ABCE1: variants seen among roughly 807,000 people sequenced by gnomAD.
The protein encoded by ABCE1 is ATP binding cassette subfamily E member 1.
Under a neutral mutation model 83.4 loss-of-function variants are expected in ABCE1, and 22 were observed. The ratio of observed to expected loss-of-function variants is 0.26; its 90% confidence interval spans 0.19 to 0.38. The LOEUF (loss-of-function observed/expected upper bound fraction) is 0.38. Among genes scored for constraint, ABCE1 ranks in the 10% least tolerant of loss-of-function variants. The pLI, the probability that ABCE1 is intolerant of heterozygous loss-of-function variation, is 1.00. For missense variants in ABCE1, 330 were observed against 721.9 expected, an observed-to-expected ratio of 0.46 and a Z score of 6.22; for synonymous variants, 204 against 233.7, an observed-to-expected ratio of 0.87 and a Z score of 1.16.
intron 9 of ABCE1, among the ~76,000 whole-genome samples, chr4:145,114,169 C>T (rs1470512212): frequency 6.6e-6 from 1 of 152,074 alleles, no homozygotes; most frequent in East Asian, 1.9e-4. Flanking sequence ...TTACTCCATA[C>T]ACAGGCATTA....
intron 2 of ABCE1, among the ~76,000 whole-genome samples, chr4:145,104,939 G>C (rs915879364): frequency 6.6e-6 from 1 of 151,870 alleles, no homozygotes; most frequent in Non-Finnish European, 1.5e-5. Context: ...CTATTCATAA[G>C]GTTTAACTAT....
chr4:145,127,576 T>C lies in ABCE1; in HGVS notation c.*3T>C, dbSNP rs772996401. ...ACTACTTTTTCTTGGATGATTAGAC[T>C]GACTCTGAGAATATTGATAAGCCAT... On this transcript the variant is annotated 3_prime_UTR_variant, in exon 18 of 18. Coordinates refer to ENST00000296577, the MANE Select transcript of ABCE1 (RefSeq NM_002940.3). The C allele has an allele frequency of 6.4e-7, 1 of 1,559,610 alleles. No individual in the cohort carries two copies. Among genetic ancestry groups the C allele is most frequent in the African/African-American group, 1.4e-5 (1 of 71,016 alleles).
chr4:145,116,135 G>A (rs529279616), intron 9 of ABCE1, among the ~76,000 whole-genome samples: 2 of 152,002 alleles, frequency 1.3e-5, no homozygotes, highest in African/African-American at 4.8e-5. Flanking sequence ...TAGCTTCCTA[G>A]ACACCAGAGA....
intron 1 of ABCE1, among the ~76,000 whole-genome samples, chr4:145,102,582 T>C (rs1239257055): frequency 6.6e-6 from 1 of 152,136 alleles, no homozygotes; most frequent in Non-Finnish European, 1.5e-5. Flanking sequence ...TTGTGTTTTT[T>C]TTTCACCTAC....
At chr4:145,126,373 C>T (rs1227200492) in intron 17 of ABCE1, among the ~76,000 whole-genome samples, 3 of 152,128 alleles carry the variant, frequency 2.0e-5, no homozygotes, top group Non-Finnish European at 4.4e-5. Flanking sequence ...CGGCTCACTA[C>T]AACCTCTGCC....
chr4:145,125,118 T>C lies in ABCE1; in HGVS notation c.1752+17T>C, dbSNP rs1749845654. 1.3e-6 allele frequency: 2 copies of C among 1,522,070 alleles called. No homozygotes were observed. The highest frequency in any genetic ancestry group is 1.4e-5 in the African/African-American group (1 of 72,816). The allele number at this position is 1,522,070 out of a possible 1,614,324, so 94.3% of individuals were successfully genotyped here. A position where few individuals can be genotyped will look rare whatever the true frequency, so the allele number is the denominator to read the frequency against. ...TCAATTAAGGTATGTAGAAAAGTTG[T>C]CTTAAATCATGGATTACTGATCTCA... is the stretch of plus-strand genomic sequence containing the variant. On this transcript the variant is annotated intron_variant, in intron 17 of 17. Transcript: ENST00000296577.
chr4:145,127,663 C>A lies in ABCE1; in HGVS notation c.*90C>A. 1.0e-6 allele frequency: 1 copy of A among 954,948 alleles called. No individual in the cohort carries two copies. Among genetic ancestry groups the A allele is most frequent in the Non-Finnish European group, 1.5e-6 (1 of 653,768 alleles). The allele number at this position is 954,948 out of a possible 1,614,324, so 59.2% of individuals were successfully genotyped here. ...ATAAAACTTGAATCAGGATTTTATG[C>A]CCCACATACTCTGGAACTTGAAGTA... On this transcript the variant is annotated 3_prime_UTR_variant, in exon 18 of 18. Coordinates refer to ENST00000296577, the MANE Select transcript of ABCE1 (RefSeq NM_002940.3).
At chr4:145,105,407 A>G (rs1579209894) in intron 2 of ABCE1, among the ~76,000 whole-genome samples, 198 bp from the exon 3 acceptor site, 2 of 152,126 alleles carry the variant, frequency 1.3e-5, no homozygotes, top group African/African-American at 4.8e-5. Context: ...AAACAAGGAT[A>G]TTCATATAAG....
At chr4:145,122,369 T>C (rs900031813) in intron 13 of ABCE1, 2 of 152,252 alleles carry the variant, frequency 1.3e-5, no homozygotes, top group Admixed American at 6.5e-5. Flanking sequence ...TCATGCATTT[T>C]GTGTTCTCTT....
intron 1 of ABCE1, among the ~76,000 whole-genome samples, chr4:145,100,384 T>A (rs1048760112): frequency 1.6e-4 from 25 of 152,252 alleles, no homozygotes; most frequent in Non-Finnish European, 1.2e-4. Flanking sequence ...CTTTTGGTTT[T>A]TAAAATAGTT....
At chr4:145,115,301 G>A (rs368564807) in intron 9 of ABCE1, among the ~76,000 whole-genome samples, 8 of 151,948 alleles carry the variant, frequency 5.3e-5, no homozygotes, top group African/African-American at 1.4e-4. Flanking sequence ...AAGCTACTAC[G>A]TAATACAATG....
chr4:145,120,839 A>G (rs1334186461), intron 11 of ABCE1, among the ~76,000 whole-genome samples: 1 of 152,188 alleles, frequency 6.6e-6, no homozygotes, highest in Non-Finnish European at 1.5e-5. Flanking sequence ...TATCTTTCAT[A>G]AAACAGTCTA....
At chr4:145,113,620 T>A (rs1353645550) in intron 9 of ABCE1, among the ~76,000 whole-genome samples, 1 of 152,170 alleles carries the variant, frequency 6.6e-6, no homozygotes, top group Non-Finnish European at 1.5e-5. Flanking sequence ...ACATATTATA[T>A]GGCAGCAGGA....
chr4:145,118,187 G>A (rs1749654249), intron 10 of ABCE1, among the ~76,000 whole-genome samples: 2 of 150,630 alleles, frequency 1.3e-5, no homozygotes, highest in Non-Finnish European at 1.5e-5. Context: ...CCATCTCCTA[G>A]AAGTAGAAAA....
chr4:145,100,980 G>A (rs1749135203), intron 1 of ABCE1, among the ~76,000 whole-genome samples: 1 of 152,012 alleles, frequency 6.6e-6, no homozygotes. Flanking sequence ...TCTACTTGGG[G>A]AGGGGAAAAA....
chr4:145,104,809 TA>T (rs1749253900), intron 2 of ABCE1, among the ~76,000 whole-genome samples: 1 of 151,416 alleles, frequency 6.6e-6, no homozygotes, highest in African/African-American at 2.4e-5. Context: ...CAAAATCTTA[TA>T]ATTACTTTAA....
intron 16 of ABCE1, among the ~76,000 whole-genome samples, chr4:145,124,210 G>A (rs1028173398): frequency 1.4e-4 from 22 of 152,200 alleles, no homozygotes; most frequent in African/African-American, 5.3e-4. Flanking sequence ...TGAAATTACT[G>A]GTGTTCAGTT....
chr4:145,124,761 A>G (rs980724785), intron 16 of ABCE1, among the ~76,000 whole-genome samples: 1 of 152,164 alleles, frequency 6.6e-6, no homozygotes, highest in Admixed American at 6.5e-5. Context: ...ATCCAGGTTA[A>G]ATTTTTTTTT....
At chr4:145,108,254 T>C (rs1364970472) in intron 4 of ABCE1, 142 bp downstream of exon 4, 2 of 745,560 alleles carry the variant, frequency 2.7e-6, no homozygotes, top group South Asian at 1.6e-5. Context: ...TCATGCAGAA[T>C]CATACTGCAT....
Sources: gnomAD v4.1 joint callset for allele counts (sites outside exome capture counted in the v4.1 genomes callset) on GRCh38, gnomAD v4.1.1 for gene constraint, MANE v1.5 for transcripts, NCBI Gene and HGNC (gene_info 2026-07-23, HGNC 2026-07-21) for gene names.